MYO18B: variants seen among roughly 807,000 people sequenced by gnomAD.
MYO18B encodes the protein unconventional myosin-XVIIIb.
A neutral mutation model predicts 273.0 loss-of-function variants in MYO18B; 204 were observed. That is an observed-to-expected ratio of 0.75 (90% CI 0.67 to 0.84). The LOEUF (loss-of-function observed/expected upper bound fraction) is 0.84, where lower values mean the gene tolerates loss of function less well. Ranked by LOEUF, MYO18B falls within the 40% of genes least tolerant of loss-of-function variation. The probability of loss-of-function intolerance (pLI) is 0.00; values close to 1 mark genes in which losing one functional copy is unlikely to be tolerated. For synonymous variants in MYO18B, 1,330 were observed against 1,305.7 expected, an observed-to-expected ratio of 1.02 and a Z score of -0.40; for missense variants, 3,212 against 3,287.6, an observed-to-expected ratio of 0.98 and a Z score of 0.56.
chr22:25,950,227 G>A, intron 36 of MYO18B, 140 bp from the exon 37 acceptor site: 1 of 648,064 alleles, frequency 1.5e-6, no homozygotes, highest in Non-Finnish European at 2.6e-6. Flanking sequence ...GGTAATTTTT[G>A]GGAAACAGCT....
intron 9 of MYO18B, among the ~76,000 whole-genome samples, chr22:25,780,577 C>T (rs1411681319): frequency 2.6e-5 from 3 of 117,440 alleles, no homozygotes; most frequent in East Asian, 5.1e-4. Context: ...GCAGCAAGAG[C>T]GAAACTCCAT....
intron 17 of MYO18B, among the ~76,000 whole-genome samples, chr22:25,840,747 A>AT (rs144378356): frequency 0.023 from 3,512 of 152,272 alleles, 104 homozygotes; most frequent in East Asian, 0.12. Context: ...CAGAAGGCAT[A>AT]TGGTAGGGTG....
intron 39 of MYO18B, among the ~76,000 whole-genome samples, chr22:25,990,727 G>GAAAAAA (rs869099801): frequency 6.4e-5 from 2 of 31,086 alleles, no homozygotes; most frequent in Non-Finnish European, 1.1e-4. Flanking sequence ...AAAAGAAAAA[G>GAAAAAA]AAAAAAAAAA....
chr22:25,798,513 G>A (rs2088031712), intron 12 of MYO18B, among the ~76,000 whole-genome samples: 1 of 152,170 alleles, frequency 6.6e-6, no homozygotes, highest in African/African-American at 2.4e-5. Flanking sequence ...TCTAGAATAT[G>A]CAAGGGAAGG....
chr22:25,961,640 C>T (rs544858084), intron 39 of MYO18B, among the ~76,000 whole-genome samples: 6 of 152,274 alleles, frequency 3.9e-5, no homozygotes, highest in South Asian at 4.2e-4. Context: ...TTACAGGGCC[C>T]GGGGAACCAC....
chr22:26,019,560 T>C (rs1197508032), intron 42 of MYO18B, among the ~76,000 whole-genome samples: 1 of 152,250 alleles, frequency 6.6e-6, no homozygotes, highest in Non-Finnish European at 1.5e-5. Context: ...GCATAATGCA[T>C]AGTCCTGGGT....
rs374758835 is a variant in MYO18B at position 25,898,334 on chromosome 22, G to A, written c.4696G>A (p.Gly1566Arg). 5.3e-5 allele frequency: 86 copies of A among 1,613,810 alleles called. No individual in the cohort carries two copies. The South Asian group carries it at 7.6e-4, about 14-fold the overall frequency. ...TGGGGAGTTGCAAAGTGCTTATGAC[G>A]GGGCCAAGAAGATGGCTCACCAACT... ...KLGELQSAYD[G>R]AKKMAHQLKR... The change falls in exon 29 of 44, where the codon GGG becomes AGG. Residue 1566 changes from glycine to arginine, a missense_variant. Gly to Arg is a moderately radical substitution (Grantham distance 125, BLOSUM62 -2). Coordinates refer to ENST00000335473, the MANE Select transcript of MYO18B (RefSeq NM_032608.7).
chr22:25,814,353 T>C (rs2088910881), intron 12 of MYO18B, among the ~76,000 whole-genome samples: 1 of 125,498 alleles, frequency 8.0e-6, no homozygotes, highest in African/African-American at 3.1e-5. Flanking sequence ...AGAGTTTCAC[T>C]CTTGTTGCCA....
At chr22:25,870,594 C>T (rs1326610046) in intron 22 of MYO18B, among the ~76,000 whole-genome samples, 1 of 152,170 alleles carries the variant, frequency 6.6e-6, no homozygotes, top group Non-Finnish European at 1.5e-5. Context: ...ATATTCTTTA[C>T]AGATGGATCT....
At chr22:25,905,965 G>A (rs1341650092) in intron 31 of MYO18B, among the ~76,000 whole-genome samples, 1 of 152,178 alleles carries the variant, frequency 6.6e-6, no homozygotes, top group Non-Finnish European at 1.5e-5. Flanking sequence ...TGAAAACTGT[G>A]TTAACTCTTT....
chr22:25,832,815 C>T, intron 15 of MYO18B, 102 bp from the exon 16 acceptor site: 1 of 985,474 alleles, frequency 1.0e-6, no homozygotes, highest in East Asian at 2.5e-5. Flanking sequence ...TTTAAAGGGC[C>T]AAGAGGTGAT....
At chr22:25,777,123 G>C (rs1383183175) in intron 7 of MYO18B, among the ~76,000 whole-genome samples, 1 of 152,176 alleles carries the variant, frequency 6.6e-6, no homozygotes, top group Admixed American at 6.5e-5. Context: ...TACGGTTTTA[G>C]TTATCACCTA....
intron 27 of MYO18B, among the ~76,000 whole-genome samples, chr22:25,893,746 ACCATCCATCCATCTATCCAT>A (rs894078720): frequency 6.6e-6 from 1 of 151,656 alleles, no homozygotes; most frequent in African/African-American, 2.4e-5. Context: ...ACTTAATCCT[ACCATCCATCCATCTATCCAT>A]CCATCCACCC....
intron 39 of MYO18B, among the ~76,000 whole-genome samples, chr22:25,988,718 T>C (rs1463224560): frequency 6.6e-6 from 1 of 152,208 alleles, no homozygotes; most frequent in Non-Finnish European, 1.5e-5. Flanking sequence ...CCTTCTCCTA[T>C]GAGAATTAAA....
chr22:25,845,240 C>G (rs946506855), intron 18 of MYO18B, among the ~76,000 whole-genome samples: 2 of 152,184 alleles, frequency 1.3e-5, no homozygotes, highest in Admixed American at 1.3e-4. Context: ...CACCCTTGGC[C>G]GGGCGCGGTG....
At chr22:25,843,073 CAGACG>C (rs1408136795) in intron 17 of MYO18B, among the ~76,000 whole-genome samples, 3 of 152,254 alleles carry the variant, frequency 2.0e-5, no homozygotes, top group African/African-American at 7.2e-5. Flanking sequence ...CCACATTTTA[CAGACG>C]AGGAAACTGA....
intron 12 of MYO18B, among the ~76,000 whole-genome samples, chr22:25,805,447 C>T (rs1228728070): frequency 1.3e-5 from 2 of 152,194 alleles, no homozygotes; most frequent in Non-Finnish European, 2.9e-5. Flanking sequence ...CTTGGAGCCT[C>T]AGCTGGGAGC....
rs2089592755 is a variant in MYO18B at position 25,828,817 on chromosome 22, T to C, written c.2828T>C (p.Val943Ala). The C allele has an allele frequency of 6.2e-7, 1 of 1,613,918 alleles. No individual in the cohort carries two copies. The highest frequency in any genetic ancestry group is 8.5e-7 in the Non-Finnish European group (1 of 1,179,876). ...CATCTCTCCATGGCCTCCATCATGG[T>C]GGTGGACTCTCCAGGCTTCCAGAAC... is the stretch of plus-strand genomic sequence containing the variant. The part of the protein sequence containing the change: ...SHHLSMASIM[V>A]VDSPGFQNPR... Residue 943 changes from valine (V) to alanine (A), a missense_variant, in exon 15 of 44, where the codon GTG (valine) becomes GCG (alanine). Coordinates refer to ENST00000335473, the MANE Select transcript of MYO18B (RefSeq NM_032608.7).
At chr22:25,787,059 C>T (rs2087422443) in intron 11 of MYO18B, among the ~76,000 whole-genome samples, 1 of 151,886 alleles carries the variant, frequency 6.6e-6, no homozygotes, top group Non-Finnish European at 1.5e-5. Flanking sequence ...ACTAAAAATA[C>T]TAAAAATTAG....
Sources: gnomAD v4.1 joint callset for allele counts (sites outside exome capture counted in the v4.1 genomes callset) on GRCh38, gnomAD v4.1.1 for gene constraint, MANE v1.5 for transcripts, NCBI Gene and HGNC (gene_info 2026-07-23, HGNC 2026-07-21) for gene names.